Variants in ANK2 observed in about 807,000 individuals in gnomAD.
ANK2 encodes the protein ankyrin 2.
In ANK2, 83 loss-of-function variants were observed where a neutral mutation model predicts 360.5. That is an observed-to-expected ratio of 0.23 (90% CI 0.19 to 0.28). ANK2 has a LOEUF of 0.28. Among genes scored for constraint, ANK2 ranks in the 10% least tolerant of loss-of-function variants. The probability of loss-of-function intolerance (pLI) is 1.00; values close to 1 mark genes in which losing one functional copy is unlikely to be tolerated. For synonymous variants in ANK2, 1,740 were observed against 1,759.5 expected, an observed-to-expected ratio of 0.99 and a Z score of 0.28; for missense variants, 4,201 against 4,795.7, an observed-to-expected ratio of 0.88 and a Z score of 3.66.
At chr4:112,876,047 G>A (rs548342475) in intron 1 of ANK2, among the ~76,000 whole-genome samples, 2 of 151,384 alleles carry the variant, frequency 1.3e-5, no homozygotes, top group East Asian at 1.9e-4. Context: ...GAGCCACCAC[G>A]TGTGGTATAT....
rs777256180 is a variant in ANK2 at position 113,255,920 on chromosome 4, C to T, written c.1176C>T (p.Asn392=). The part of the protein sequence containing the change: ...KLLLDKRANP[N]ARALNGFTPL... ...TTTTAGACAAGAGAGCCAATCCGAA[C>T]GCCAGAGCCCTGGTAAACTTGGCCC... The change falls in exon 11 of 46, where the codon AAC becomes AAT. Residue 392 remains asparagine, a synonymous_variant. Transcript: ENST00000357077. 3.1e-5 allele frequency: 50 copies of T among 1,614,032 alleles called. No individual in the cohort carries two copies. The highest frequency in any genetic ancestry group is 5.0e-5 in the Admixed American group (3 of 60,008).
At position 113,080,381 on chromosome 4, in the gene ANK2, T is replaced by C. The variant is rs116865313; in HGVS notation, c.84+30569T>C. On this transcript the variant is annotated intron_variant, in intron 1 of 45. Coordinates refer to ENST00000357077, the MANE Select transcript of ANK2 (RefSeq NM_001148.6). ...AGGAAGAGATTTGTGTGTGACTTAT[T>C]GAAGGGGAATTGGTTTTGTTTCTTA... Among the ~76,000 whole-genome samples, 88 of 152,308 alleles carry C rather than the reference T, an allele frequency of 5.8e-4. 1 individual carries two copies. In the East Asian group the frequency reaches 0.014, roughly 25 times the overall value.
chr4:113,346,549 A>G (rs1477156177), intron 35 of ANK2, among the ~76,000 whole-genome samples: 1 of 152,096 alleles, frequency 6.6e-6, no homozygotes. Flanking sequence ...CGAACTTATC[A>G]TATTTTAGGA....
chr4:113,361,330 A>G (rs1031442475), intron 39 of ANK2, among the ~76,000 whole-genome samples: 1 of 152,170 alleles, frequency 6.6e-6, no homozygotes, highest in Non-Finnish European at 1.5e-5. Flanking sequence ...GGTAAGTGTT[A>G]AAACACACAT....
chr4:112,749,270 T>C, the ANK2 span, among the ~76,000 whole-genome samples: 1 of 152,224 alleles, frequency 6.6e-6, no homozygotes, highest in African/African-American at 2.4e-5. Flanking sequence ...TGAGCAGTTA[T>C]CACCATTTGT....
At chr4:112,772,510 C>G in the ANK2 span, among the ~76,000 whole-genome samples, 155 of 152,210 alleles carry the variant, frequency 1.0e-3, no homozygotes, top group Non-Finnish European at 4.1e-4. Context: ...TGAGCCCCAA[C>G]TCAGCCATTC....
chr4:113,373,613 G>A, intron 45 of ANK2, 164 bp downstream of exon 45: 1 of 823,856 alleles, frequency 1.2e-6, no homozygotes, highest in Non-Finnish European at 2.1e-6. Context: ...GATTCTATGT[G>A]ATTTTAAGAC....
At chr4:112,922,413 C>G (rs898496605) in intron 2 of ANK2, among the ~76,000 whole-genome samples, 9 of 152,062 alleles carry the variant, frequency 5.9e-5, no homozygotes, top group African/African-American at 2.2e-4. Flanking sequence ...GAATATTTAC[C>G]AACGATGAAA....
intron 1 of ANK2, among the ~76,000 whole-genome samples, chr4:112,856,752 A>C (rs533410142): frequency 1.3e-5 from 2 of 152,354 alleles, no homozygotes; most frequent in South Asian, 4.1e-4. Context: ...TGTATTATTA[A>C]ACTATTACTC....
chr4:112,809,221 C>A, the ANK2 span, among the ~76,000 whole-genome samples: 2 of 148,484 alleles, frequency 1.3e-5, no homozygotes, highest in African/African-American at 4.9e-5. Context: ...CAAAACACTT[C>A]AAAAAAACTT....
intron 1 of ANK2, among the ~76,000 whole-genome samples, chr4:112,887,861 T>C (rs749015885): frequency 3.9e-5 from 6 of 152,148 alleles, no homozygotes; most frequent in Non-Finnish European, 5.9e-5. Flanking sequence ...CCCCAGTATT[T>C]TCCATTCTTG....
chr4:112,807,396 G>T, the ANK2 span, among the ~76,000 whole-genome samples: 1 of 152,184 alleles, frequency 6.6e-6, no homozygotes, highest in African/African-American at 2.4e-5. Flanking sequence ...CTCATAATGA[G>T]TTCACAGTTT....
chr4:113,262,452 A>G (rs1489029560), intron 13 of ANK2, among the ~76,000 whole-genome samples: 2 of 151,956 alleles, frequency 1.3e-5, no homozygotes, highest in African/African-American at 4.8e-5. Context: ...CTGGTCTTGA[A>G]TGCTTGACTT....
intron 1 of ANK2, among the ~76,000 whole-genome samples, chr4:112,899,763 C>A (rs1469056748): frequency 1.3e-5 from 2 of 152,124 alleles, no homozygotes; most frequent in South Asian, 4.1e-4. Context: ...TCCATATCTG[C>A]ACACCATGAT....
chr4:113,144,006 C>T (rs1247194552), intron 1 of ANK2, among the ~76,000 whole-genome samples: 1 of 152,182 alleles, frequency 6.6e-6, no homozygotes, highest in African/African-American at 2.4e-5. Flanking sequence ...TGAATGCTTT[C>T]ACTTAAAACT....
chr4:113,349,423 C>T (rs1162864944), intron 36 of ANK2, among the ~76,000 whole-genome samples: 2 of 152,004 alleles, frequency 1.3e-5, no homozygotes, highest in African/African-American at 4.8e-5. Flanking sequence ...TACCCTTATA[C>T]CCACCAGCTT....
rs142116942 is a variant in ANK2 at position 113,156,646 on chromosome 4, A to G, written c.85-17770A>G. ...CCAAAGTGCTGGGATTACAGGCATG[A>G]GCCACAACACCCAGCCTTAATGTAG... On this transcript the variant is annotated intron_variant, in intron 1 of 45. Transcript: ENST00000357077. Among the ~76,000 whole-genome samples, 8 of 152,204 alleles carry G rather than the reference A, an allele frequency of 5.3e-5. No homozygotes were observed. In the East Asian group the frequency reaches 1.5e-3, roughly 29 times the overall value.
intron 1 of ANK2, among the ~76,000 whole-genome samples, chr4:113,067,478 G>A (rs1393571423): frequency 6.6e-6 from 1 of 152,166 alleles, no homozygotes; most frequent in Non-Finnish European, 1.5e-5. Flanking sequence ...AGGTCCTAAA[G>A]TTTCTGATGG....
intron 1 of ANK2, among the ~76,000 whole-genome samples, chr4:113,161,511 C>A (rs1351134391): frequency 6.6e-6 from 1 of 152,166 alleles, no homozygotes; most frequent in Non-Finnish European, 1.5e-5. Flanking sequence ...CCAAACATTC[C>A]TGACAATTAC....
Sources: gnomAD v4.1 joint callset for allele counts (sites outside exome capture counted in the v4.1 genomes callset) on GRCh38, gnomAD v4.1.1 for gene constraint, MANE v1.5 for transcripts, NCBI Gene and HGNC (gene_info 2026-07-23, HGNC 2026-07-21) for gene names.